The following POF1B variants were observed in gnomAD, a reference collection of about 807,000 sequenced individuals.
The protein encoded by POF1B is POF1B actin binding protein.
In POF1B, 53 loss-of-function variants were observed where a neutral mutation model predicts 55.3. The ratio of observed to expected loss-of-function variants is 0.96; its 90% CI spans 0.77 to 1.20. The LOEUF is 1.20. POF1B is among the 50% of genes most tolerant of loss of function. The pLI is 0.00. For synonymous variants in POF1B, 188 were observed against 148.3 expected, an observed-to-expected ratio of 1.27 and a Z score of -1.95; for missense variants, 478 against 420.5, an observed-to-expected ratio of 1.14 and a Z score of -1.20.
At chrX:85,362,059 G>T (rs1037358581) in intron 3 of POF1B, among the ~76,000 whole-genome samples, 2 of 109,707 alleles carry the variant, frequency 1.8e-5, no homozygotes, top group African/African-American at 3.3e-5. Context: ...TGTTGTCCGT[G>T]TATAAGAATG....
chrX:85,319,902 G>T (rs1932820186), intron 7 of POF1B, among the ~76,000 whole-genome samples: 1 of 111,260 alleles, frequency 9.0e-6, no homozygotes, highest in African/African-American at 3.3e-5. Context: ...TTAGAAAGGA[G>T]TACCTCTTTC....
At chrX:85,327,785 T>G (rs12557215) in intron 7 of POF1B, among the ~76,000 whole-genome samples, 1 of 111,478 alleles carries the variant, frequency 9.0e-6, no homozygotes, top group African/African-American at 3.3e-5. Context: ...CCTTACTTCT[T>G]CCAATTCAAA....
chrX:85,329,052 T>C (rs1044422399), intron 7 of POF1B, among the ~76,000 whole-genome samples: 2 of 111,268 alleles, frequency 1.8e-5, no homozygotes, highest in Non-Finnish European at 3.8e-5. Flanking sequence ...TGCAGAAAAG[T>C]TCATAGATTA....
chrX:85,313,845 G>A (rs753783153), intron 9 of POF1B, among the ~76,000 whole-genome samples: 1 of 109,721 alleles, frequency 9.1e-6, no homozygotes, highest in Non-Finnish European at 1.9e-5. Context: ...TTGGTTGGTA[G>A]GCTATTAATT....
chrX:85,314,411 C>T (rs371547420), intron 9 of POF1B, 21 bp downstream of exon 9: 5 of 1,162,046 alleles, frequency 4.3e-6, no homozygotes, highest in Non-Finnish European at 5.8e-6. Context: ...TTTCACACAT[C>T]CACTCTTGAC....
At chrX:85,288,425 G>A (rs1220962541) in intron 15 of POF1B, among the ~76,000 whole-genome samples, 1 of 111,442 alleles carries the variant, frequency 9.0e-6, no homozygotes, top group African/African-American at 3.3e-5. Context: ...AGCAAGCCAA[G>A]GAGATCATAG....
At chrX:85,365,591 G>T (rs1483331126) in intron 3 of POF1B, among the ~76,000 whole-genome samples, 1 of 111,485 alleles carries the variant, frequency 9.0e-6, no homozygotes, top group East Asian at 2.8e-4. Context: ...CTGTTGGTAG[G>T]CTCTTGCTCT....
chrX:85,371,260 GAGACCATTCCCAACTTATT>G (rs1271334789), intron 2 of POF1B, among the ~76,000 whole-genome samples: 3 of 111,841 alleles, frequency 2.7e-5, no homozygotes, highest in Non-Finnish European at 5.6e-5. Flanking sequence ...GTGAATATAA[GAGACCATTCCCAACTTATT>G]TTTCCATACA....
intron 2 of POF1B, among the ~76,000 whole-genome samples, chrX:85,372,786 T>C (rs1275700810): frequency 9.7e-6 from 1 of 103,582 alleles, no homozygotes; most frequent in Non-Finnish European, 2.0e-5. Flanking sequence ...TATATATATA[T>C]ACTTTAAGTT....
intron 2 of POF1B, among the ~76,000 whole-genome samples, chrX:85,375,225 T>C (rs1165369037): frequency 8.9e-6 from 1 of 112,202 alleles, no homozygotes; most frequent in East Asian, 2.8e-4. Context: ...AAAAGTTGGC[T>C]GAAATATATT....
intron 16 of POF1B, among the ~76,000 whole-genome samples, chrX:85,279,706 G>C (rs1284236481): frequency 9.0e-6 from 1 of 110,828 alleles, no homozygotes; most frequent in African/African-American, 3.3e-5. Flanking sequence ...ATGTCCAATT[G>C]TCTCTTAATA....
At chrX:85,351,220 A>C (rs1933379655) in intron 5 of POF1B, 130 bp downstream of exon 5, 2 of 406,459 alleles carry the variant, frequency 4.9e-6, no homozygotes, top group Non-Finnish European at 8.5e-6. Flanking sequence ...AGGGCTGTAG[A>C]TATCATAGCA....
intron 4 of POF1B, among the ~76,000 whole-genome samples, chrX:85,351,908 A>AT (rs112344026): frequency 5.4e-4 from 59 of 108,280 alleles, no homozygotes; most frequent in Non-Finnish European, 7.5e-4. Flanking sequence ...TATATTAAAG[A>AT]TTTTTTTTTT....
At chrX:85,326,764 C>G (rs1232421963) in intron 7 of POF1B, among the ~76,000 whole-genome samples, 1 of 109,234 alleles carries the variant, frequency 9.2e-6, no homozygotes, top group Non-Finnish European at 1.9e-5. Context: ...CACGGGCAGA[C>G]TGGTGCATGC....
At chrX:85,314,185 A>T (rs1932762157) in intron 9 of POF1B, among the ~76,000 whole-genome samples, 1 of 111,095 alleles carries the variant, frequency 9.0e-6, no homozygotes, top group African/African-American at 3.3e-5. Context: ...TAAAGCGCTG[A>T]GGAGTGAATA....
chrX:85,328,451 G>A (rs1932926332), intron 7 of POF1B, among the ~76,000 whole-genome samples: 1 of 110,514 alleles, frequency 9.0e-6, no homozygotes, highest in Non-Finnish European at 1.9e-5. Flanking sequence ...GGATCCGCCC[G>A]CCTTGGCCTC....
chrX:85,318,936 C>T (rs982142141), intron 7 of POF1B, among the ~76,000 whole-genome samples: 1 of 111,424 alleles, frequency 9.0e-6, no homozygotes, highest in East Asian at 2.8e-4. Flanking sequence ...GGAATAGCAT[C>T]GAATCTGTAA....
intron 11 of POF1B, among the ~76,000 whole-genome samples, chrX:85,306,894 T>C (rs1008789639): frequency 2.0e-4 from 22 of 111,865 alleles, no homozygotes; most frequent in Non-Finnish European, 1.9e-5. Flanking sequence ...TGAACCTAGA[T>C]TTTTAGTATT....
intron 7 of POF1B, among the ~76,000 whole-genome samples, chrX:85,323,279 G>A (rs1203531466): frequency 9.0e-6 from 1 of 111,025 alleles, no homozygotes; most frequent in Non-Finnish European, 1.9e-5. Context: ...AAAATGATGA[G>A]TTCATGTCTT....
Sources: allele counts gnomAD v4.1 joint callset (sites outside exome capture counted in the v4.1 genomes callset), GRCh38; gene constraint gnomAD v4.1.1; transcripts MANE v1.5; gene names NCBI Gene and HGNC (gene_info 2026-07-23, HGNC 2026-07-21).